CDKL2: variants seen among roughly 807,000 people sequenced by gnomAD.
CDKL2 encodes cyclin dependent kinase like 2.
A neutral mutation model predicts 63.9 loss-of-function variants in CDKL2; 64 were observed. That is an observed-to-expected ratio of 1.00 (90% CI 0.82 to 1.23). CDKL2 has a LOEUF of 1.23. Ranked by LOEUF, CDKL2 falls within the 50% of genes most tolerant of loss-of-function variation. The pLI, the probability that CDKL2 is intolerant of heterozygous loss-of-function variation, is 0.00. For missense variants in CDKL2, 656 were observed against 668.0 expected (o/e 0.98, Z 0.20); for synonymous variants, 211 against 229.2 (o/e 0.92, Z 0.72).
At chr4:75,605,729 C>T in intron 4 of CDKL2, 95 bp from the exon 5 acceptor site, 2 of 714,954 alleles carry the variant, frequency 2.8e-6, no homozygotes, top group Non-Finnish European at 2.5e-6. Flanking sequence ...AAAGGAAATG[C>T]CAACCAGAGC....
chr4:75,596,086 G>A (rs920398686), intron 10 of CDKL2, 161 bp downstream of exon 10: 25 of 420,284 alleles, frequency 5.9e-5, no homozygotes, highest in African/African-American at 3.7e-4. Context: ...AGAATTTCAC[G>A]TTTATGACTA....
intron 10 of CDKL2, among the ~76,000 whole-genome samples, chr4:75,593,745 AT>A (rs1214984676): frequency 6.6e-6 from 1 of 152,206 alleles, no homozygotes; most frequent in African/African-American, 2.4e-5. Context: ...TGGCACAGAA[AT>A]TATAAACTAA....
At chr4:75,613,240 A>G (rs1462487116) in intron 3 of CDKL2, among the ~76,000 whole-genome samples, 1 of 152,224 alleles carries the variant, frequency 6.6e-6, no homozygotes, top group Non-Finnish European at 1.5e-5. Context: ...ATCTGCCTCT[A>G]CTGAGCAATT....
At chr4:75,617,357 T>C in intron 2 of CDKL2, among the ~76,000 whole-genome samples, 1 of 152,206 alleles carries the variant, frequency 6.6e-6, no homozygotes, top group East Asian at 1.9e-4. Flanking sequence ...ATGTTCCAGG[T>C]ACTATTCTAA....
At chr4:75,579,601 G>A (rs1330004020) in intron 13 of CDKL2, among the ~76,000 whole-genome samples, 3 of 152,058 alleles carry the variant, frequency 2.0e-5, no homozygotes, top group South Asian at 2.1e-4. Context: ...ACTTGAACCC[G>A]GGAGGTGGAG....
chr4:75,622,634 C>T (rs567524323), intron 2 of CDKL2, among the ~76,000 whole-genome samples: 32 of 130,060 alleles, frequency 2.5e-4, no homozygotes, highest in Non-Finnish European at 4.1e-4. Context: ...AGGAGAATTG[C>T]TTGAACCCAG....
chr4:75,619,574 G>A (rs1730068783), intron 2 of CDKL2, among the ~76,000 whole-genome samples: 1 of 56,436 alleles, frequency 1.8e-5, no homozygotes, highest in South Asian at 5.1e-4. Context: ...GCTCACAGCT[G>A]TATAAAAAAA....
At chr4:75,628,459 C>T (rs1440920046) in intron 1 of CDKL2, among the ~76,000 whole-genome samples, 1 of 152,116 alleles carries the variant, frequency 6.6e-6, no homozygotes, top group African/African-American at 2.4e-5. Flanking sequence ...TGAATAAAGG[C>T]AATCCTAAGA....
Position 75,614,265 on chromosome 4 carries a change from T to C in CDKL2, c.353A>G (p.His118Arg), listed in dbSNP as rs1425046112. The C allele has an allele frequency of 6.3e-7, 1 of 1,598,160 alleles. No individual in the cohort carries two copies. The highest frequency in any genetic ancestry group is 1.3e-5 in the African/African-American group (1 of 74,444). Residue 118 changes from histidine to arginine, a missense_variant, in exon 3 of 14, where the codon CAC becomes CGC. Physicochemically the swap from His to Arg is conservative, Grantham distance 29 (BLOSUM62 0). Transcript: ENST00000307465. ...FQIINGIGFC[H>R]SHNIIHRDIK... ...AAACCCAATACTTACATTGTGACTG[T>C]GACAAAATCCAATTCCATTAATAAT...
rs578098041 is a variant in CDKL2 at position 75,580,947 on chromosome 4, G to T, written c.*23+863C>A. Among the ~76,000 whole-genome samples, 36 of 152,028 alleles carry T rather than the reference G, an allele frequency of 2.4e-4. No individual in the cohort carries two copies. The East Asian group carries it at 6.8e-3, about 29-fold the overall frequency. Reference sequence around the variant, plus strand: ...GATCTCCTGACCTCGTGATCCGCCCGCCTCAGCCTCCCAAAGTGCTGGGAT... The same window carrying T: ...GATCTCCTGACCTCGTGATCCGCCCTCCTCAGCCTCCCAAAGTGCTGGGAT... On this transcript the variant is annotated intron_variant, in intron 13 of 13. Coordinates refer to ENST00000307465, the MANE Select transcript of CDKL2 (RefSeq NM_001330724.2).
chr4:75,611,043 T>A (rs1729666429), intron 3 of CDKL2, among the ~76,000 whole-genome samples: 1 of 152,214 alleles, frequency 6.6e-6, no homozygotes, highest in Non-Finnish European at 1.5e-5. Flanking sequence ...ATTCTCATAA[T>A]AACCCTAAGG....
At chr4:75,601,228 G>C (rs1335490782) in intron 6 of CDKL2, among the ~76,000 whole-genome samples, 3 of 152,096 alleles carry the variant, frequency 2.0e-5, no homozygotes, top group Non-Finnish European at 4.4e-5. Flanking sequence ...ATGATAGTAA[G>C]AAATTATTTG....
intron 5 of CDKL2, among the ~76,000 whole-genome samples, chr4:75,604,654 T>C (rs1288105359): frequency 6.6e-6 from 1 of 152,204 alleles, no homozygotes; most frequent in African/African-American, 2.4e-5. Context: ...AATCTCTGTG[T>C]CTCTCCTCTT....
rs199775954 is a variant in CDKL2 at position 75,605,771 on chromosome 4, G to T, written c.543-137C>A. The T allele has an allele frequency of 2.1e-4, 122 of 580,898 alleles. No individual in the cohort carries two copies. The East Asian group carries it at 3.1e-3, about 15-fold the overall frequency. The allele number at this position is 580,898 out of a possible 1,614,324, so 36.0% of individuals were successfully genotyped here. A position where few individuals can be genotyped will look rare whatever the true frequency, so the allele number is the denominator to read the frequency against. Reference sequence around the variant, plus strand: ...GATTTCAGATTCTCAGATTTGGCATGCTCCAATGGTATAATGCAAATATCC... The same window carrying T: ...GATTTCAGATTCTCAGATTTGGCATTCTCCAATGGTATAATGCAAATATCC... On this transcript the variant is annotated intron_variant, in intron 4 of 13. Transcript: ENST00000307465.
chr4:75,595,800 G>A (rs1276105060), intron 10 of CDKL2, among the ~76,000 whole-genome samples: 1 of 151,776 alleles, frequency 6.6e-6, no homozygotes, highest in Non-Finnish European at 1.5e-5. Flanking sequence ...GCGGTGGCAG[G>A]CACCTGTAAT....
At chr4:75,595,381 T>C (rs767731424) in intron 10 of CDKL2, among the ~76,000 whole-genome samples, 23 of 151,888 alleles carry the variant, frequency 1.5e-4, no homozygotes, top group Non-Finnish European at 3.4e-4. Flanking sequence ...CAGCTAACTT[T>C]TTAAAAAATT....
intron 5 of CDKL2, among the ~76,000 whole-genome samples, chr4:75,604,534 G>C (rs187276247): frequency 6.6e-6 from 1 of 152,276 alleles, no homozygotes; most frequent in East Asian, 1.9e-4. Context: ...CTTCAAACAT[G>C]AAGTTGATAT....
chr4:75,597,994 A>C lies in CDKL2; in HGVS notation c.1020+83T>G, dbSNP rs1188782212. 5 of 940,132 alleles carry C rather than the reference A, an allele frequency of 5.3e-6. No homozygotes were observed. The East Asian group carries it at 1.5e-4, about 29-fold the overall frequency. 58.2% of individuals were successfully genotyped at this position (940,132 alleles called of 1,614,324 possible). On this transcript the variant is annotated intron_variant, in intron 8 of 13. Transcript: ENST00000307465. ...TAACAATTTGCTCACTGCTCAGAAA[A>C]CTTTTTTCAAAATCATATTTTTTCT...
At chr4:75,619,765 G>A (rs1290944221) in intron 2 of CDKL2, among the ~76,000 whole-genome samples, 1 of 152,088 alleles carries the variant, frequency 6.6e-6, no homozygotes, top group Non-Finnish European at 1.5e-5. Context: ...GTAAAAAAAA[G>A]GAGTGATTTG....
Sources: gnomAD v4.1 joint callset for allele counts (sites outside exome capture counted in the v4.1 genomes callset) on GRCh38, gnomAD v4.1.1 for gene constraint, MANE v1.5 for transcripts, NCBI Gene and HGNC (gene_info 2026-07-23, HGNC 2026-07-21) for gene names.